Variants in ELOB observed in about 807,000 individuals in gnomAD.
The protein encoded by ELOB is elongin-B.
In ELOB, 3 loss-of-function variants were observed where a neutral mutation model predicts 12.9. The observed-to-expected ratio is 0.23, with a 90% CI of 0.11 to 0.60. The LOEUF (loss-of-function observed/expected upper bound fraction) is 0.60, where lower values mean the gene tolerates loss of function less well. ELOB is among the 20% of genes least tolerant of loss of function. ELOB has a pLI of 0.89. For missense variants in ELOB, 126 were observed against 159.2 expected (o/e 0.79, Z 1.12); for synonymous variants, 84 against 67.4 (o/e 1.25, Z -1.21).
intron 3 of ELOB, among the ~76,000 whole-genome samples, chr16:2,773,689 C>T (rs1380267878): frequency 6.6e-6 from 1 of 152,174 alleles, no homozygotes; most frequent in African/African-American, 2.4e-5. Flanking sequence ...ATGATGTGAC[C>T]TGGGCTCCGG....
intron 3 of ELOB, among the ~76,000 whole-genome samples, chr16:2,774,800 C>A (rs937626957): frequency 1.9e-5 from 2 of 105,946 alleles, no homozygotes; most frequent in South Asian, 6.2e-4. Flanking sequence ...CCCTAATCCC[C>A]AGGTTTCTAA....
chr16:2,777,166 C>A, intron 1 of ELOB, 39 bp from the exon 2 acceptor site: 1 of 1,232,218 alleles, frequency 8.1e-7, no homozygotes, highest in Non-Finnish European at 1.0e-6. Flanking sequence ...AAGCCCGGGC[C>A]CCCCGCGCGG....
At chr16:2,772,726 ACTAT>A (rs1356090580) in intron 3 of ELOB, among the ~76,000 whole-genome samples, 3 of 151,280 alleles carry the variant, frequency 2.0e-5, no homozygotes, top group Non-Finnish European at 4.4e-5. Flanking sequence ...ATCAAACTAG[ACTAT>A]CTAGACTATT....
At chr16:2,776,945 T>C in intron 2 of ELOB, 48 bp downstream of exon 2, 1 of 1,517,738 alleles carries the variant, frequency 6.6e-7, no homozygotes, top group Non-Finnish European at 8.9e-7. Flanking sequence ...GTCAGCCCCG[T>C]GCCCGGCGCC....
Position 2,771,483 on chromosome 16 carries a change from A to C in ELOB, c.*507T>G. On this transcript the variant is annotated 3_prime_UTR_variant, in exon 4 of 4. Transcript: ENST00000409906. The stretch of plus-strand genomic sequence containing the variant: ...ACTTCCCTCCGTGATTACAGCCCCC[A>C]GCGTGGGTGGACCTGTGTGGGTCCG... The C allele has an allele frequency of 1.9e-6, 3 of 1,614,226 alleles. No homozygotes were observed. Among genetic ancestry groups the C allele is most frequent in the Admixed American group, 1.7e-5 (1 of 60,028 alleles).
At chr16:2,776,905 GCTA>G in intron 2 of ELOB, 85 bp downstream of exon 2, 3 of 1,449,486 alleles carry the variant, frequency 2.1e-6, no homozygotes, top group East Asian at 3.0e-5. Flanking sequence ...GTCGCCGGCC[GCTA>G]CTGTTTACAT....
At chr16:2,773,578 C>T (rs532252106) in intron 3 of ELOB, among the ~76,000 whole-genome samples, 4 of 152,160 alleles carry the variant, frequency 2.6e-5, no homozygotes, top group Non-Finnish European at 5.9e-5. Flanking sequence ...ATGGGTTGAG[C>T]TGCACCCAGA....
intron 3 of ELOB, among the ~76,000 whole-genome samples, chr16:2,772,889 C>T (rs948274483): frequency 6.6e-6 from 1 of 152,096 alleles, no homozygotes; most frequent in African/African-American, 2.4e-5. Flanking sequence ...CAGACCTTCG[C>T]ACTTGCTGGT....
At position 2,771,542 on chromosome 16, in the gene ELOB, C is replaced by G; in HGVS notation, c.*448G>C. 6.2e-7 allele frequency: 1 copy of G among 1,614,198 alleles called. No homozygotes were observed. The highest frequency in any genetic ancestry group is 8.5e-7 in the Non-Finnish European group (1 of 1,180,038). On this transcript the variant is annotated 3_prime_UTR_variant, in exon 4 of 4. Transcript: ENST00000409906. ...TTCCCTCGTTGAACATGCTGTCAAA[C>G]CAGGACACTGGCTCCAGCTTGTGTT...
At chr16:2,773,702 TCAC>T (rs953050482) in intron 3 of ELOB, among the ~76,000 whole-genome samples, 7 of 152,084 alleles carry the variant, frequency 4.6e-5, no homozygotes, top group East Asian at 1.9e-4. Context: ...GGCTCCGGAG[TCAC>T]CACCACATTC....
chr16:2,771,665 AGGCTGGCTCTG>A lies in ELOB; in HGVS notation c.*314_*324del. The A allele has an allele frequency of 6.2e-7, 1 of 1,609,170 alleles. No homozygotes were observed. Among genetic ancestry groups the A allele is most frequent in the Admixed American group, 1.7e-5 (1 of 59,820 alleles). On this transcript the variant is annotated 3_prime_UTR_variant, in exon 4 of 4. Transcript: ENST00000409906. ...CTAAAACTGGAATCTCTTGTCCCTGAGGCTGGCTCTGGTCTTTGTGTCTCTCCCAGTCCTTC... is the reference window on the plus strand; with the variant it reads ...CTAAAACTGGAATCTCTTGTCCCTGAGTCTTTGTGTCTCTCCCAGTCCTTC...
intron 3 of ELOB, among the ~76,000 whole-genome samples, chr16:2,772,909 C>T (rs1230123274): frequency 3.9e-5 from 6 of 152,224 alleles, no homozygotes; most frequent in South Asian, 2.1e-4. Context: ...TCCCAGCACT[C>T]GGAATGGCTG....
chr16:2,775,643 G>C lies in ELOB; in HGVS notation c.139-87C>G, dbSNP rs770897130. ...ACCAGCAACTACACGGGAAGTCAGA[G>C]GAGGGAAGAGAGAGTTCCCTCAGTG... is the stretch of plus-strand genomic sequence containing the variant. On this transcript the variant is annotated intron_variant, in intron 2 of 3. Transcript: ENST00000409906. 6.7e-6 allele frequency: 7 copies of C among 1,049,936 alleles called. No homozygotes were observed. In the Admixed American group the frequency reaches 1.6e-4, roughly 25 times the overall value. The allele number at this position is 1,049,936 out of a possible 1,614,324, so 65.0% of individuals were successfully genotyped here.
In ELOB at chr16:2,772,108, G is replaced by A. The variant is rs1442531675; in HGVS notation, c.245-6C>T. 1.2e-6 allele frequency: 2 copies of A among 1,600,064 alleles called. No individual in the cohort carries two copies. Among genetic ancestry groups the A allele is most frequent in the East Asian group, 2.2e-5 (1 of 44,550 alleles). On this transcript the variant is annotated splice_region_variant and splice_polypyrimidine_tract_variant and intron_variant, in intron 3 of 3. Coordinates refer to ENST00000409906, the MANE Select transcript of ELOB (RefSeq NM_007108.4). The stretch of plus-strand genomic sequence containing the variant: ...CAGGGCCTCAAAGGTGTCATCTGTG[G>A]AGGAAGCAGCAGAGCTGCAGGGGGG...
In ELOB at chr16:2,771,691, C is replaced by T. The variant is rs566998989; in HGVS notation, c.*299G>A. ...GGCTGGCTCTGGTCTTTGTGTCTCTCCCAGTCCTTCCCTTTCCTCCCCCTG... is the reference window on the plus strand; with the variant it reads ...GGCTGGCTCTGGTCTTTGTGTCTCTTCCAGTCCTTCCCTTTCCTCCCCCTG... On this transcript the variant is annotated 3_prime_UTR_variant, in exon 4 of 4. Transcript: ENST00000409906. The T allele has an allele frequency of 5.2e-5, 83 of 1,585,462 alleles. 3 individuals carry two copies. The South Asian group carries it at 8.1e-4, about 16-fold the overall frequency.
Position 2,772,029 on chromosome 16 carries a change from C to T in ELOB, c.318G>A (p.Gln106=), listed in dbSNP as rs192349970. 1 of 1,613,458 alleles carries T rather than the reference C, an allele frequency of 6.2e-7. No individual in the cohort carries two copies. The highest frequency in any genetic ancestry group is 1.3e-5 in the African/African-American group (1 of 74,984). The part of the protein sequence containing the change: ...PPELPDVMKP[Q]DSGSSANEQA... ...GTTCATTGGCACTGCTTCCCGAGTCCTGGGGCTTCATCACATCGGGCAGCT... is the reference window on the plus strand; with the variant it reads ...GTTCATTGGCACTGCTTCCCGAGTCTTGGGGCTTCATCACATCGGGCAGCT... Residue 106 remains glutamine, a synonymous_variant, in exon 4 of 4, where the codon CAG becomes CAA. Transcript: ENST00000409906.
chr16:2,772,318 C>T (rs943392858), intron 3 of ELOB: 2 of 420,944 alleles, frequency 4.8e-6, no homozygotes, highest in African/African-American at 4.1e-5. Flanking sequence ...CTGAAGGTCC[C>T]CAGCCCTTCC....
chr16:2,776,979 C>T lies in ELOB; in HGVS notation c.138+14G>A. ...CCGGGTACCCGCTCCCCTCGGCCCG[C>T]CCGCGGGACCCACCTTGTACAGCCG... is the stretch of plus-strand genomic sequence containing the variant. On this transcript the variant is annotated intron_variant, in intron 2 of 3. Transcript: ENST00000409906. The T allele has an allele frequency of 6.4e-7, 1 of 1,557,584 alleles. No individual in the cohort carries two copies. The highest frequency in any genetic ancestry group is 1.2e-5 in the South Asian group (1 of 85,072).
intron 2 of ELOB, 66 bp downstream of exon 2, chr16:2,776,927 G>A (rs2068804556): frequency 6.6e-7 from 1 of 1,511,418 alleles, no homozygotes; most frequent in Non-Finnish European, 8.9e-7. Flanking sequence ...ATCGCGGACA[G>A]CGTAGGCGTC....
Sources: gnomAD v4.1 joint callset for allele counts (sites outside exome capture counted in the v4.1 genomes callset) on GRCh38, gnomAD v4.1.1 for gene constraint, MANE v1.5 for transcripts, NCBI Gene and HGNC (gene_info 2026-07-23, HGNC 2026-07-21) for gene names.